The following CAPN14 variants were observed in gnomAD, a reference collection of about 807,000 sequenced individuals.
CAPN14 encodes calpain 14.
CAPN14 carries 94 observed loss-of-function variants against 101.3 expected under a neutral mutation model. That is an observed-to-expected ratio of 0.93 (90% CI 0.79 to 1.10). The LOEUF is 1.10. Among genes scored for constraint, CAPN14 ranks in the 50% least tolerant of loss-of-function variants. CAPN14 has a pLI of 0.00. For missense variants in CAPN14, 837 were observed against 828.4 expected (o/e 1.01, Z -0.13); for synonymous variants, 338 against 317.9 (o/e 1.06, Z -0.67).
intron 12 of CAPN14, among the ~76,000 whole-genome samples, chr2:31,190,613 T>G (rs758875364): frequency 1.2e-4 from 19 of 152,214 alleles, no homozygotes; most frequent in Non-Finnish European, 2.4e-4. Flanking sequence ...AGTTTTTTAT[T>G]GTAGGTTGAC....
chr2:31,176,782 A>G lies in CAPN14; in HGVS notation c.1973-140T>C, dbSNP rs550946692. On this transcript the variant is annotated intron_variant, in intron 20 of 21. Transcript: ENST00000403897. The stretch of plus-strand genomic sequence containing the variant: ...CCAGTGTCAGCCTACATGTGACCAC[A>G]CGCAGCCACATCTATGATAAGTGAG... 1.3e-5 allele frequency: 10 copies of G among 774,494 alleles called. No individual in the cohort carries two copies. The South Asian group carries it at 1.3e-4, about 10-fold the overall frequency. The allele number at this position is 774,494 out of a possible 1,614,324, so 48.0% of individuals were successfully genotyped here. A position where few individuals can be genotyped will look rare whatever the true frequency, so the allele number is the denominator to read the frequency against.
upstream of CAPN14, among the ~76,000 whole-genome samples, chr2:31,220,313 G>A (rs538521451): frequency 6.6e-6 from 1 of 152,284 alleles, no homozygotes; most frequent in Admixed American, 6.5e-5. Context: ...CTCACGTTAA[G>A]GAACAAGTAA....
At chr2:31,175,863 T>C (rs540764768) in intron 21 of CAPN14, among the ~76,000 whole-genome samples, 6 of 152,226 alleles carry the variant, frequency 3.9e-5, no homozygotes, top group Non-Finnish European at 7.3e-5. Context: ...CCAATGTCCT[T>C]GCAATGAACA....
chr2:31,187,732 C>A lies in CAPN14; in HGVS notation c.1587+26G>T, dbSNP rs201025846. ...CCACTTCGTCCCCTGCTCTTCCTCA[C>A]CCCCCACCACACCTGTTCAACTAAC... On this transcript the variant is annotated intron_variant, in intron 15 of 21. Coordinates refer to ENST00000403897, the MANE Select transcript of CAPN14 (RefSeq NM_001145122.2). 2,187 of 1,540,016 alleles carry A rather than the reference C, an allele frequency of 1.4e-3. 2 individuals are homozygous for A. The highest frequency in any genetic ancestry group is 1.7e-3 in the Non-Finnish European group (1,898 of 1,136,854).
chr2:31,180,802 A>T, intron 17 of CAPN14, 134 bp downstream of exon 17: 2 of 699,454 alleles, frequency 2.9e-6, no homozygotes, highest in Non-Finnish European at 5.0e-6. Context: ...CTGGATACAT[A>T]ATGAGGCTCA....
intron 21 of CAPN14, 29 bp downstream of exon 21, chr2:31,176,558 A>G (rs1442504118): frequency 6.5e-7 from 1 of 1,543,470 alleles, no homozygotes; most frequent in East Asian, 2.4e-5. Context: ...GTAAGATGAC[A>G]TGAGCCACCT....
At chr2:31,233,552 A>T (rs544608385) in intron 1 of CAPN14, among the ~76,000 whole-genome samples, 62 of 152,166 alleles carry the variant, frequency 4.1e-4, no homozygotes, top group Admixed American at 1.2e-3. Flanking sequence ...TCATCTCTGT[A>T]TCCACAGTCA....
At chr2:31,224,375 A>AT (rs1171452411) in intron 2 of CAPN14, among the ~76,000 whole-genome samples, 1 of 152,052 alleles carries the variant, frequency 6.6e-6, no homozygotes, top group Non-Finnish European at 1.5e-5. Flanking sequence ...TTGGTAGAAT[A>AT]TTTTTTTTAT....
intron 17 of CAPN14, among the ~76,000 whole-genome samples, chr2:31,179,061 T>TATAA (rs1491366121): frequency 1.1e-3 from 115 of 102,224 alleles, no homozygotes; most frequent in African/African-American, 3.4e-3. Context: ...TATTGAGTTC[T>TATAA]ATATATATAT....
Position 31,186,448 on chromosome 2 carries a change from A to C in CAPN14, c.1625T>G (p.Leu542Arg), listed in dbSNP as rs1254041170. ...EINAVQLQNL[L>R]NQMTWSSLGS... ...CTTACTTGACCAGGTCATCTGGTTC[A>C]GGAGGTTCTGAAGTTGAACTGCATT... The change falls in exon 16 of 22, where the codon CTG (leucine) becomes CGG (arginine). Residue 542 changes from leucine to arginine, a missense_variant. Leu to Arg is a moderately radical substitution (Grantham distance 102, BLOSUM62 -2). Coordinates refer to ENST00000403897, the MANE Select transcript of CAPN14 (RefSeq NM_001145122.2). 6.5e-7 allele frequency: 1 copy of C among 1,550,060 alleles called. No homozygotes were observed. Among genetic ancestry groups the C allele is most frequent in the Non-Finnish European group, 8.7e-7 (1 of 1,146,404 alleles).
rs1052909298 is a variant in CAPN14, at chr2:31,194,302, T to C, written c.950+107A>G. 7 of 770,522 alleles carry C rather than the reference T, an allele frequency of 9.1e-6. No individual in the cohort carries two copies. In the African/African-American group the frequency reaches 1.0e-4, roughly 11 times the overall value. The allele number at this position is 770,522 out of a possible 1,614,324, so 47.7% of individuals were successfully genotyped here. On this transcript the variant is annotated intron_variant, in intron 9 of 21. Coordinates refer to ENST00000403897, the MANE Select transcript of CAPN14 (RefSeq NM_001145122.2). Reference sequence around the variant, plus strand: ...TCCTAAAGGGATGGTGCCTTATTGATCTCTGTACATGAAGTTCCTGGCACC... The same window carrying C: ...TCCTAAAGGGATGGTGCCTTATTGACCTCTGTACATGAAGTTCCTGGCACC...
At chr2:31,185,331 T>A (rs1257366730) in intron 16 of CAPN14, among the ~76,000 whole-genome samples, 1 of 152,208 alleles carries the variant, frequency 6.6e-6, no homozygotes, top group African/African-American at 2.4e-5. Flanking sequence ...TTGTTGTAAA[T>A]ACATCTTCTA....
intron 7 of CAPN14, among the ~76,000 whole-genome samples, chr2:31,198,582 T>C (rs1164540565): frequency 6.6e-6 from 1 of 152,158 alleles, no homozygotes; most frequent in Non-Finnish European, 1.5e-5. Flanking sequence ...ATTTTGTTAA[T>C]AAATATGGAA....
rs1558608224 is a variant in CAPN14, at chr2:31,176,643, CTG to C, written c.1973-3_1973-2del. ...TCTTGGGTTAAGTTTTGGAAGACAT[CTG>C]TGAAAATGCAGCAGAAAGGAATACA... On this transcript the variant is annotated splice_acceptor_variant and splice_polypyrimidine_tract_variant and intron_variant, in intron 20 of 21. Coordinates refer to ENST00000403897, the MANE Select transcript of CAPN14 (RefSeq NM_001145122.2). LOFTEE classifies it high-confidence loss of function. 7.1e-6 allele frequency: 11 copies of C among 1,551,198 alleles called. No individual in the cohort carries two copies. The highest frequency in any genetic ancestry group is 9.6e-6 in the Non-Finnish European group (11 of 1,146,518).
chr2:31,213,275 A>G (rs1665832692), intron 1 of CAPN14, among the ~76,000 whole-genome samples: 1 of 152,220 alleles, frequency 6.6e-6, no homozygotes. Flanking sequence ...TACTCTCAGA[A>G]CTCAAAAGAG....
At chr2:31,199,561 T>A in intron 6 of CAPN14, 29 bp from the exon 7 acceptor site, 2 of 1,536,784 alleles carry the variant, frequency 1.3e-6, no homozygotes, top group East Asian at 2.4e-5. Context: ...TCCTGATCAG[T>A]CTTCTGTTAT....
At chr2:31,176,383 T>A (rs995660389) in intron 21 of CAPN14, among the ~76,000 whole-genome samples, 1 of 152,254 alleles carries the variant, frequency 6.6e-6, no homozygotes, top group Non-Finnish European at 1.5e-5. Context: ...ACCTTTCATA[T>A]GTGCCTGGCA....
At chr2:31,184,160 G>A (rs1680793183) in intron 16 of CAPN14, among the ~76,000 whole-genome samples, 1 of 152,200 alleles carries the variant, frequency 6.6e-6, no homozygotes, top group Non-Finnish European at 1.5e-5. Flanking sequence ...TGGGATTACA[G>A]GAGTGAGCCA....
At chr2:31,198,121 C>G (rs1043446718) in intron 7 of CAPN14, among the ~76,000 whole-genome samples, 3 of 152,194 alleles carry the variant, frequency 2.0e-5, no homozygotes, top group Non-Finnish European at 4.4e-5. Context: ...AAACCTGCCT[C>G]TCATTCTATT....
Sources: allele counts gnomAD v4.1 joint callset (sites outside exome capture counted in the v4.1 genomes callset), GRCh38; gene constraint gnomAD v4.1.1; transcripts MANE v1.5; gene names NCBI Gene and HGNC (gene_info 2026-07-23, HGNC 2026-07-21).